SPMIP5: variants seen among roughly 807,000 people sequenced by gnomAD.
SPMIP5 encodes sperm microtubule inner protein 5.
At chr10:116,668,914 C>A in the SPMIP5 span, among the ~76,000 whole-genome samples, 4 of 144,108 alleles carry the variant, frequency 2.8e-5, no homozygotes, top group African/African-American at 7.8e-5. Flanking sequence ...AGCCTCCCCC[C>A]ACCCGCCGGC....
the SPMIP5 span, chr10:116,663,612 T>C: frequency 6.5e-6 from 2 of 305,552 alleles, no homozygotes; most frequent in Non-Finnish European, 1.2e-5. Context: ...GATCCTGGCC[T>C]GGCTGCAGTG....
At chr10:116,662,746 T>C in the SPMIP5 span, among the ~76,000 whole-genome samples, 1 of 151,948 alleles carries the variant, frequency 6.6e-6, no homozygotes, top group African/African-American at 2.4e-5. Context: ...ACTATGTCCC[T>C]CAAAAAAAAC....
chr10:116,662,594 G>A, the SPMIP5 span, among the ~76,000 whole-genome samples: 11 of 152,264 alleles, frequency 7.2e-5, 1 homozygote, highest in East Asian at 1.9e-4. Flanking sequence ...TTGCTGCCTC[G>A]TGTGGCTCTG....
At chr10:116,670,116 GC>G in the SPMIP5 span, 1 of 152,284 alleles carries the variant, frequency 6.6e-6, no homozygotes, top group Non-Finnish European at 1.5e-5. Context: ...GCCCGGCACA[GC>G]CCGGACCCCG....
chr10:116,667,826 C>A, the SPMIP5 span, among the ~76,000 whole-genome samples: 1 of 152,168 alleles, frequency 6.6e-6, no homozygotes, highest in African/African-American at 2.4e-5. Flanking sequence ...CCAGGTAGAC[C>A]AGGGCAGTTG....
chr10:116,663,999 C>G, the SPMIP5 span: 17 of 1,546,536 alleles, frequency 1.1e-5, no homozygotes, highest in African/African-American at 1.4e-5. Context: ...CACATGTCAG[C>G]GGAGTTTTGG....
the SPMIP5 span, chr10:116,664,341 A>C: frequency 1.8e-6 from 2 of 1,086,928 alleles, no homozygotes; most frequent in Non-Finnish European, 2.6e-6. Flanking sequence ...AAATAGAATA[A>C]AATACAATAC....
the SPMIP5 span, chr10:116,664,937 A>G: frequency 3.1e-6 from 5 of 1,611,866 alleles, no homozygotes; most frequent in South Asian, 5.5e-5. Context: ...GTTTCTTTAC[A>G]TATTTGCATT....
chr10:116,664,363 TA>T, the SPMIP5 span: 1 of 921,518 alleles, frequency 1.1e-6, no homozygotes, highest in East Asian at 2.7e-5. Context: ...TAAATATGAG[TA>T]AATATATGAA....
chr10:116,664,024 G>T, the SPMIP5 span: 1 of 1,566,232 alleles, frequency 6.4e-7, no homozygotes, highest in Non-Finnish European at 8.6e-7. Context: ...CTCTCTCAGG[G>T]GCCTTCCAAG....
chr10:116,662,329 T>C, the SPMIP5 span, among the ~76,000 whole-genome samples: 1 of 152,152 alleles, frequency 6.6e-6, no homozygotes, highest in African/African-American at 2.4e-5. Context: ...TTCCAGCTGT[T>C]TGCAGCCAGA....
the SPMIP5 span, among the ~76,000 whole-genome samples, chr10:116,667,193 G>C: frequency 6.6e-6 from 1 of 152,182 alleles, no homozygotes; most frequent in Non-Finnish European, 1.5e-5. Context: ...GATGAAGAGA[G>C]TGACTGGAGA....
At chr10:116,665,868 C>A in the SPMIP5 span, 2 of 1,545,156 alleles carry the variant, frequency 1.3e-6, no homozygotes, top group Non-Finnish European at 1.8e-6. Flanking sequence ...GCAAGACTGG[C>A]CAGCAAGGAA....
chr10:116,670,006 G>C, the SPMIP5 span: 21 of 152,216 alleles, frequency 1.4e-4, no homozygotes, highest in African/African-American at 4.1e-4. Context: ...CCAGGCCTTT[G>C]TGCGCTCACC....
At chr10:116,668,914 C>G in the SPMIP5 span, among the ~76,000 whole-genome samples, 1 of 144,108 alleles carries the variant, frequency 6.9e-6, no homozygotes, top group Non-Finnish European at 1.5e-5. Context: ...AGCCTCCCCC[C>G]ACCCGCCGGC....
the SPMIP5 span, chr10:116,665,774 G>C: frequency 6.2e-7 from 1 of 1,614,134 alleles, no homozygotes; most frequent in Non-Finnish European, 8.5e-7. Context: ...TCACACAGTG[G>C]TTCATGTCAT....
chr10:116,670,167 G>A, the SPMIP5 span: 2 of 152,384 alleles, frequency 1.3e-5, no homozygotes, highest in Non-Finnish European at 2.9e-5. Flanking sequence ...ATCTGGCCTC[G>A]GAGCTGTCCT....
At chr10:116,662,843 A>G in the SPMIP5 span, among the ~76,000 whole-genome samples, 1 of 152,202 alleles carries the variant, frequency 6.6e-6, no homozygotes. Context: ...GGTCACAGTG[A>G]AGTAGGGCAT....
the SPMIP5 span, among the ~76,000 whole-genome samples, chr10:116,663,268 G>A: frequency 2.6e-5 from 4 of 151,978 alleles, no homozygotes; most frequent in Non-Finnish European, 2.9e-5. Context: ...AAATGCCAAC[G>A]TGGCTGCAAA....
Sources: gnomAD v4.1 joint callset for allele counts (sites outside exome capture counted in the v4.1 genomes callset) on GRCh38, gnomAD v4.1.1 for gene constraint, MANE v1.5 for transcripts, NCBI Gene and HGNC (gene_info 2026-07-23, HGNC 2026-07-21) for gene names.